KCND2: variants seen among roughly 807,000 people sequenced by gnomAD.
The protein encoded by KCND2 is A-type voltage-gated potassium channel KCND2.
KCND2 carries 16 observed loss-of-function variants against 54.4 expected under a neutral mutation model. The observed-to-expected ratio is 0.29, with a 90% CI of 0.20 to 0.45. KCND2 has a LOEUF of 0.45. KCND2 is among the 20% of genes least tolerant of loss of function. KCND2 has a pLI of 1.00. For synonymous variants in KCND2, 317 were observed against 310.7 expected (o/e 1.02, Z -0.21); for missense variants, 486 against 824.2 (o/e 0.59, Z 5.02).
At chr7:120,607,579 G>A (rs188057998) in intron 1 of KCND2, among the ~76,000 whole-genome samples, 17 of 152,206 alleles carry the variant, frequency 1.1e-4, no homozygotes, top group Admixed American at 7.2e-4. Context: ...TTAAGACACT[G>A]TGATACCCTT....
intron 1 of KCND2, among the ~76,000 whole-genome samples, chr7:120,349,754 C>T (rs149818684): frequency 2.2e-4 from 34 of 152,266 alleles, no homozygotes; most frequent in African/African-American, 7.2e-4. Context: ...TGTAAAAGGA[C>T]TCTGGCCCCC....
At chr7:120,693,872 G>T (rs2116606711) in intron 1 of KCND2, among the ~76,000 whole-genome samples, 1 of 152,252 alleles carries the variant, frequency 6.6e-6, no homozygotes, top group African/African-American at 2.4e-5. Flanking sequence ...GGCCAGAAAG[G>T]AGATGAAAAA....
chr7:120,344,263 G>A (rs1800280782), intron 1 of KCND2, among the ~76,000 whole-genome samples: 1 of 152,074 alleles, frequency 6.6e-6, no homozygotes, highest in Non-Finnish European at 1.5e-5. Flanking sequence ...AAATTGTGGG[G>A]AATAGACTGT....
At chr7:120,286,780 T>A (rs1309029919) in intron 1 of KCND2, among the ~76,000 whole-genome samples, 4 of 152,110 alleles carry the variant, frequency 2.6e-5, no homozygotes, top group Non-Finnish European at 5.9e-5. Flanking sequence ...CAGACTTGTT[T>A]TGAAATTATA....
chr7:120,447,469 A>G, intron 1 of KCND2, among the ~76,000 whole-genome samples: 1 of 152,136 alleles, frequency 6.6e-6, no homozygotes, highest in East Asian at 1.9e-4. Context: ...GAGCTTCCGT[A>G]GCCATATTGT....
chr7:120,416,777 CAAA>C (rs200783464), intron 1 of KCND2, among the ~76,000 whole-genome samples: 5 of 112,338 alleles, frequency 4.5e-5, no homozygotes, highest in Non-Finnish European at 4.1e-5. Flanking sequence ...CATAGACTAG[CAAA>C]AAAAAAAAAA....
chr7:120,623,883 G>A (rs1262991336), intron 1 of KCND2, among the ~76,000 whole-genome samples: 1 of 151,852 alleles, frequency 6.6e-6, no homozygotes, highest in East Asian at 1.9e-4. Flanking sequence ...ACTGTGGATG[G>A]AGCAAAGTAC....
At chr7:120,402,010 A>G (rs1801261764) in intron 1 of KCND2, among the ~76,000 whole-genome samples, 1 of 152,162 alleles carries the variant, frequency 6.6e-6, no homozygotes, top group South Asian at 2.1e-4. Flanking sequence ...CTGAATAAGT[A>G]ACCAAAATTG....
At chr7:120,463,885 AAGAT>A (rs201777999) in intron 1 of KCND2, among the ~76,000 whole-genome samples, 1,785 of 147,080 alleles carry the variant, frequency 0.012, 34 homozygotes, top group African/African-American at 0.039. Flanking sequence ...AGGTAGATAG[AAGAT>A]AGATAGATGA....
At chr7:120,702,267 T>C (rs1792412070) in intron 1 of KCND2, among the ~76,000 whole-genome samples, 2 of 152,136 alleles carry the variant, frequency 1.3e-5, no homozygotes, top group African/African-American at 4.8e-5. Context: ...TCCGTATGGC[T>C]ATTACTAAAA....
chr7:120,438,722 T>A (rs1041950816), intron 1 of KCND2, among the ~76,000 whole-genome samples: 2 of 152,102 alleles, frequency 1.3e-5, no homozygotes, highest in African/African-American at 4.8e-5. Flanking sequence ...AAAAATATAT[T>A]ATGGGAAGGG....
At chr7:120,464,508 A>G (rs979837093) in intron 1 of KCND2, among the ~76,000 whole-genome samples, 1 of 152,194 alleles carries the variant, frequency 6.6e-6, no homozygotes, top group Non-Finnish European at 1.5e-5. Flanking sequence ...TGCCTAACAA[A>G]TTAACATAAA....
At chr7:120,454,786 T>C (rs919235498) in intron 1 of KCND2, among the ~76,000 whole-genome samples, 16 of 152,174 alleles carry the variant, frequency 1.1e-4, no homozygotes, top group African/African-American at 3.6e-4. Context: ...GAAAACCTCA[T>C]AGTCTCTGTC....
At chr7:120,632,635 C>T (rs544255579) in intron 1 of KCND2, among the ~76,000 whole-genome samples, 2 of 152,184 alleles carry the variant, frequency 1.3e-5, no homozygotes, top group Admixed American at 6.5e-5. Flanking sequence ...AAATAATAAG[C>T]ATGATTTATT....
intron 1 of KCND2, among the ~76,000 whole-genome samples, chr7:120,476,235 C>T (rs1199253279): frequency 2.0e-5 from 3 of 152,152 alleles, no homozygotes; most frequent in Non-Finnish European, 2.9e-5. Context: ...CTTTCAATAC[C>T]TTTTCTCTTC....
At chr7:120,310,643 C>CGTGGTGGCTCACGGTT (rs1799724005) in intron 1 of KCND2, among the ~76,000 whole-genome samples, 1 of 151,942 alleles carries the variant, frequency 6.6e-6, no homozygotes, top group Non-Finnish European at 1.5e-5. Context: ...ATAGACTGGT[C>CGTGGTGGCTCACGGTT]GTGGTGGCTC....
intron 1 of KCND2, among the ~76,000 whole-genome samples, chr7:120,414,185 C>CA (rs1233082304): frequency 6.6e-6 from 1 of 151,802 alleles, no homozygotes; most frequent in Non-Finnish European, 1.5e-5. Context: ...CAAACAGTGA[C>CA]AAAAAAGATG....
chr7:120,524,332 C>A (rs1791744577), intron 1 of KCND2, among the ~76,000 whole-genome samples: 1 of 151,936 alleles, frequency 6.6e-6, no homozygotes, highest in Non-Finnish European at 1.5e-5. Context: ...AGTCTGATAG[C>A]AAAATAAAAT....
At chr7:120,736,483 CA>C (rs1480031683) in intron 2 of KCND2, among the ~76,000 whole-genome samples, 1 of 151,834 alleles carries the variant, frequency 6.6e-6, no homozygotes, top group Non-Finnish European at 1.5e-5. Flanking sequence ...ATGTATTAGC[CA>C]AAATAAAGCT....
Sources: gnomAD v4.1 joint callset for allele counts (sites outside exome capture counted in the v4.1 genomes callset) on GRCh38, gnomAD v4.1.1 for gene constraint, MANE v1.5 for transcripts, NCBI Gene and HGNC (gene_info 2026-07-23, HGNC 2026-07-21) for gene names.